Variants in ASIC2 observed in about 807,000 individuals in gnomAD.
ASIC2 encodes the protein acid-sensing ion channel 2.
Under a neutral mutation model 57.3 loss-of-function variants are expected in ASIC2, and 25 were observed. The ratio of observed to expected loss-of-function variants is 0.44; its 90% CI spans 0.32 to 0.61. The LOEUF (loss-of-function observed/expected upper bound fraction) is 0.61. Ranked by LOEUF, ASIC2 falls within the 20% of genes least tolerant of loss-of-function variation. ASIC2 has a pLI of 0.06. For synonymous variants in ASIC2, 319 were observed against 307.5 expected (o/e 1.04, Z -0.39); for missense variants, 641 against 738.1 (o/e 0.87, Z 1.52).
At chr17:33,579,628 C>T (rs1218960577) in intron 1 of ASIC2, among the ~76,000 whole-genome samples, 5 of 152,296 alleles carry the variant, frequency 3.3e-5, no homozygotes, top group Middle Eastern at 6.8e-3. Context: ...AGGTGTTCAG[C>T]TGCGTCTGAA....
intron 1 of ASIC2, among the ~76,000 whole-genome samples, chr17:33,842,360 G>A (rs374605392): frequency 6.2e-4 from 94 of 152,246 alleles, no homozygotes; most frequent in African/African-American, 2.2e-3. Context: ...TCCCCAGCTC[G>A]GGACACACAT....
intron 1 of ASIC2, among the ~76,000 whole-genome samples, chr17:33,406,401 G>A (rs1031911423): frequency 6.6e-6 from 1 of 152,130 alleles, no homozygotes; most frequent in African/African-American, 2.4e-5. Flanking sequence ...TGATGGGTGG[G>A]CCAAGTCTTA....
At chr17:33,255,028 CTTT>C (rs1173076413) in intron 1 of ASIC2, among the ~76,000 whole-genome samples, 3 of 73,992 alleles carry the variant, frequency 4.1e-5, no homozygotes, top group African/African-American at 1.7e-4. Context: ...AGAAAGAAAT[CTTT>C]TTTTTTTTTT....
chr17:33,605,869 T>C (rs1368271590), intron 1 of ASIC2, among the ~76,000 whole-genome samples: 1 of 152,018 alleles, frequency 6.6e-6, no homozygotes, highest in Non-Finnish European at 1.5e-5. Context: ...ATAGCACCCT[T>C]TTCTAGCATG....
intron 1 of ASIC2, among the ~76,000 whole-genome samples, chr17:34,110,450 C>T (rs796215440): frequency 5.5e-4 from 84 of 152,324 alleles, no homozygotes; most frequent in African/African-American, 2.0e-3. Flanking sequence ...TCTCTGCTGC[C>T]GCTGCCTCAG....
chr17:33,032,977 A>G (rs2091891015), intron 3 of ASIC2, among the ~76,000 whole-genome samples: 1 of 152,088 alleles, frequency 6.6e-6, no homozygotes, highest in Admixed American at 6.5e-5. Flanking sequence ...TCATTTAAAT[A>G]TACAATGTTG....
At chr17:33,808,048 A>G (rs2142151264) in intron 1 of ASIC2, among the ~76,000 whole-genome samples, 1 of 152,352 alleles carries the variant, frequency 6.6e-6, no homozygotes, top group Non-Finnish European at 1.5e-5. Flanking sequence ...AATGAAGTTC[A>G]GTTATCAACT....
intron 1 of ASIC2, among the ~76,000 whole-genome samples, chr17:33,380,242 T>A: frequency 3.6e-5 from 1 of 27,462 alleles, no homozygotes; most frequent in Non-Finnish European, 8.1e-5. Flanking sequence ...GGAAACCCTG[T>A]CTCAAAAAAA....
intron 3 of ASIC2, among the ~76,000 whole-genome samples, chr17:33,077,040 C>G (rs1004137110): frequency 6.6e-6 from 1 of 152,066 alleles, no homozygotes; most frequent in Admixed American, 6.5e-5. Flanking sequence ...CCCAGAGGCT[C>G]TACCAGTTTA....
chr17:33,076,435 C>T (rs1327509892), intron 3 of ASIC2, among the ~76,000 whole-genome samples: 1 of 152,218 alleles, frequency 6.6e-6, no homozygotes, highest in Non-Finnish European at 1.5e-5. Context: ...CTGCATTATG[C>T]ACATCCTTAA....
chr17:33,945,261 G>A (rs1429823998), intron 1 of ASIC2, among the ~76,000 whole-genome samples: 1 of 151,988 alleles, frequency 6.6e-6, no homozygotes, highest in African/African-American at 2.4e-5. Flanking sequence ...GAGTGACATG[G>A]GTAACACATT....
chr17:33,910,927 A>C (rs1915448595), intron 1 of ASIC2, among the ~76,000 whole-genome samples: 1 of 152,176 alleles, frequency 6.6e-6, no homozygotes, highest in Non-Finnish European at 1.5e-5. Flanking sequence ...CGTGTGCAGA[A>C]ACATGTCCCC....
intron 1 of ASIC2, among the ~76,000 whole-genome samples, chr17:33,798,687 A>T (rs1445831569): frequency 6.6e-6 from 1 of 152,162 alleles, no homozygotes; most frequent in Non-Finnish European, 1.5e-5. Context: ...AAAGGTCATC[A>T]CATCCCTGGT....
chr17:33,510,174 T>C (rs1237367194), intron 1 of ASIC2, among the ~76,000 whole-genome samples: 1 of 152,170 alleles, frequency 6.6e-6, no homozygotes, highest in African/African-American at 2.4e-5. Context: ...GTACAGCAGG[T>C]GGGTTGGGCC....
intron 1 of ASIC2, among the ~76,000 whole-genome samples, chr17:34,126,903 C>G (rs1453372879): frequency 6.6e-6 from 1 of 152,110 alleles, no homozygotes; most frequent in Non-Finnish European, 1.5e-5. Context: ...GCTGAGTAGC[C>G]CGGGCACGTC....
At chr17:33,851,216 G>A (rs1913754432) in intron 1 of ASIC2, among the ~76,000 whole-genome samples, 1 of 152,262 alleles carries the variant, frequency 6.6e-6, no homozygotes, top group South Asian at 2.1e-4. Flanking sequence ...AATTCTCAAG[G>A]AGAAGCTTTC....
At chr17:33,258,415 A>C (rs1361843478) in intron 1 of ASIC2, among the ~76,000 whole-genome samples, 2 of 152,200 alleles carry the variant, frequency 1.3e-5, no homozygotes, top group Non-Finnish European at 2.9e-5. Context: ...AGGGACAGAG[A>C]AGGAGGATGG....
intron 1 of ASIC2, among the ~76,000 whole-genome samples, chr17:33,383,276 A>C (rs1909556098): frequency 6.6e-6 from 1 of 152,114 alleles, no homozygotes. Context: ...GAGTGGTTTG[A>C]GGGTGAGGCC....
At chr17:33,884,115 TG>T (rs1173759203) in intron 1 of ASIC2, among the ~76,000 whole-genome samples, 2 of 152,232 alleles carry the variant, frequency 1.3e-5, no homozygotes, top group East Asian at 3.9e-4. Flanking sequence ...TGTCCGGCGC[TG>T]GGTGTCAGGA....
Sources: gnomAD v4.1 joint callset for allele counts (sites outside exome capture counted in the v4.1 genomes callset) on GRCh38, gnomAD v4.1.1 for gene constraint, MANE v1.5 for transcripts, NCBI Gene and HGNC (gene_info 2026-07-23, HGNC 2026-07-21) for gene names.